Variants in HSPG2 observed in about 807,000 individuals in gnomAD.
The protein encoded by HSPG2 is heparan sulfate proteoglycan 2.
HSPG2 carries 278 observed loss-of-function variants against 526.6 expected under a neutral mutation model. That is an observed-to-expected ratio of 0.53 (90% CI 0.48 to 0.58). The LOEUF is 0.58. Among genes scored for constraint, HSPG2 ranks in the 20% least tolerant of loss-of-function variants. HSPG2 has a pLI of 0.00. For synonymous variants in HSPG2, 2,465 were observed against 2,555.4 expected (o/e 0.96, Z 1.07); for missense variants, 5,354 against 6,099.5 (o/e 0.88, Z 4.07).
chr1:21,825,492 T>C (rs2097969287), intron 91 of HSPG2, among the ~76,000 whole-genome samples: 1 of 152,124 alleles, frequency 6.6e-6, no homozygotes, highest in African/African-American at 2.4e-5. Flanking sequence ...CAGGCAGGCT[T>C]GGGCGAGTGA....
chr1:21,876,271 T>C lies in HSPG2; in HGVS notation c.2961A>G (p.Gly987=). 1 of 1,613,718 alleles carries C rather than the reference T, an allele frequency of 6.2e-7. No homozygotes were observed. The highest frequency in any genetic ancestry group is 8.5e-7 in the Non-Finnish European group (1 of 1,179,906). Residue 987 remains glycine, a synonymous_variant, in exon 23 of 97, where the codon GGA becomes GGG. Coordinates refer to ENST00000374695, the MANE Select transcript of HSPG2 (RefSeq NM_005529.7). The stretch of plus-strand genomic sequence containing the variant: ...GTGAAGGGAGGCTCCAGAAGTAGGG[T>C]CCAGATAAGAGTCTGTGGAAGGAGG... ...GFSSFHRLLS[G]PYFWSLPSRF... is the part of the protein sequence containing the mutation.
chr1:21,881,395 G>T lies in HSPG2; in HGVS notation c.1762C>A (p.Arg588Ser). 1 of 1,614,178 alleles carries T rather than the reference G, an allele frequency of 6.2e-7. No individual in the cohort carries two copies. The highest frequency in any genetic ancestry group is 8.5e-7 in the Non-Finnish European group (1 of 1,180,044). ...CAGAAGGAGTCGTGGACGAGGAAGC[G>T]GCGGGACAGGTCGACTAGCTGGAAC... ...HEFQLVDLSR[R>S]FLVHDSFWAL... Residue 588 changes from arginine to serine, a missense_variant, in exon 14 of 97, where the codon CGC becomes AGC. Physicochemically the swap from Arg to Ser is moderately radical, Grantham distance 110. Coordinates refer to ENST00000374695, the MANE Select transcript of HSPG2 (RefSeq NM_005529.7).
intron 85 of HSPG2, chr1:21,830,316 C>T (rs1453619948): frequency 3.5e-6 from 2 of 579,436 alleles, no homozygotes; most frequent in Non-Finnish European, 6.2e-6. Context: ...TGTGTGTCTG[C>T]AGGTTCTTCA....
chr1:21,908,254 C>G (rs1369108209), intron 1 of HSPG2: 11 of 1,017,520 alleles, frequency 1.1e-5, no homozygotes, highest in Non-Finnish European at 1.7e-5. Context: ...AAAAGGAACG[C>G]CCCACAAGTG....
Position 21,823,601 on chromosome 1 carries a change from G to C in HSPG2, c.13003+15C>G, listed in dbSNP as rs753155069. On this transcript the variant is annotated intron_variant, in intron 96 of 96. Coordinates refer to ENST00000374695, the MANE Select transcript of HSPG2 (RefSeq NM_005529.7). ...CCGTTCCTGCCCCTGCCCTGAGAAG[G>C]AGCCCCAGACTTACCGATGTAGACG... 2 of 1,612,546 alleles carry C rather than the reference G, an allele frequency of 1.2e-6. No individual in the cohort carries two copies. The highest frequency in any genetic ancestry group is 4.5e-5 in the East Asian group (2 of 44,872).
At position 21,822,495 on chromosome 1, in the gene HSPG2, C is replaced by T. The variant is rs760750964; in HGVS notation, c.*821G>A. The T allele has an allele frequency of 2.1e-4, 73 of 342,542 alleles. No individual in the cohort carries two copies. Among genetic ancestry groups the T allele is most frequent in the Middle Eastern group, 9.5e-4 (1 of 1,048 alleles). 21.2% of individuals were successfully genotyped at this position (342,542 alleles called of 1,614,324 possible). A position where few individuals can be genotyped will look rare whatever the true frequency, so the allele number is the denominator to read the frequency against. ...TTCCTGAGCACCAGCGGCATCCGTC[C>T]GTCCGTTGTCTGTTGGAGGAGTCCC... On this transcript the variant is annotated 3_prime_UTR_variant, in exon 97 of 97. Transcript: ENST00000374695.
chr1:21,846,625 G>T, intron 62 of HSPG2, 26 bp from the exon 63 acceptor site: 1 of 1,613,140 alleles, frequency 6.2e-7, no homozygotes, highest in South Asian at 1.1e-5. Context: ...TCAGTGAGTC[G>T]GCACAGCCGT....
intron 86 of HSPG2, 82 bp from the exon 87 acceptor site, chr1:21,829,686 C>T: frequency 8.2e-7 from 1 of 1,214,210 alleles, no homozygotes; most frequent in Non-Finnish European, 1.2e-6. Context: ...TCCTCTGGGA[C>T]CCTTGCCTGC....
intron 71 of HSPG2, 55 bp from the exon 72 acceptor site, chr1:21,840,072 C>T: frequency 1.3e-6 from 2 of 1,489,698 alleles, no homozygotes; most frequent in Admixed American, 1.7e-5. Context: ...ACGCTGATGT[C>T]AGCCCCAGCT....
chr1:21,876,217 C>T lies in HSPG2; in HGVS notation c.3003+12G>A. 6.3e-7 allele frequency: 1 copy of T among 1,597,546 alleles called. No homozygotes were observed. Among genetic ancestry groups the T allele is most frequent in the Non-Finnish European group, 8.5e-7 (1 of 1,171,790 alleles). On this transcript the variant is annotated intron_variant, in intron 23 of 96. Coordinates refer to ENST00000374695, the MANE Select transcript of HSPG2 (RefSeq NM_005529.7). ...GCCTGGAGTTTCCTTTGCCTTTCCA[C>T]CCACTACCCACCTTGTCCCCCAGGA...
rs2097990324 is a variant in HSPG2 at position 21,829,098 on chromosome 1, AG to A, written c.11993-20del. ...GCCAGCCCTGGGGAGGATGCCAGGC[AG>A]GGTTGGGCACATGGGGGCACACGGG... On this transcript the variant is annotated intron_variant, in intron 87 of 96. Transcript: ENST00000374695. 6.5e-7 allele frequency: 1 copy of A among 1,531,606 alleles called. No homozygotes were observed. Among genetic ancestry groups the A allele is most frequent in the African/African-American group, 1.4e-5 (1 of 72,952 alleles). 94.9% of individuals were successfully genotyped at this position (1,531,606 alleles called of 1,614,324 possible).
intron 6 of HSPG2, chr1:21,888,806 G>A: frequency 4.2e-6 from 4 of 947,836 alleles, no homozygotes; most frequent in Non-Finnish European, 5.8e-6. Flanking sequence ...ACCATCCCTA[G>A]CCAGGAGGAC....
chr1:21,859,601 TG>T lies in HSPG2; in HGVS notation c.5257del (p.Gln1753AsnfsTer21), dbSNP rs1557734189. On this transcript the variant is annotated frameshift_variant, in exon 42 of 97. Coordinates refer to ENST00000374695, the MANE Select transcript of HSPG2 (RefSeq NM_005529.7). LOFTEE classifies it high-confidence loss of function. The surrounding 1 kb of genome is among the most constrained non-coding windows in gnomAD (Gnocchi z 5.3). ...VYICTCRNLH[Q>X]SNTSRAELLV... ...CAGCTCTGCCCGGCTGGTATTGGAT[TG>T]GTGGAGATTACGGCAGGTGCAAATG... The T allele has an allele frequency of 6.2e-7, 1 of 1,609,400 alleles. No homozygotes were observed. The highest frequency in any genetic ancestry group is 1.1e-5 in the South Asian group (1 of 89,844).
Position 21,860,005 on chromosome 1 carries a change from G to A in HSPG2, c.5015-3C>T, listed in dbSNP as rs772540788. On this transcript the variant is annotated splice_polypyrimidine_tract_variant and splice_region_variant and intron_variant, in intron 40 of 96. Transcript: ENST00000374695. ...GACCACCAGTGGGGCTTGGTTTGCT[G>A]GGGGTGGGGGCCGGGACAGGAAGGG... 31 of 1,609,744 alleles carry A rather than the reference G, an allele frequency of 1.9e-5. No homozygotes were observed. The East Asian group carries it at 6.7e-4, about 35-fold the overall frequency.
chr1:21,855,103 C>T, intron 47 of HSPG2, 120 bp from the exon 48 acceptor site: 1 of 1,400,970 alleles, frequency 7.1e-7, no homozygotes, highest in East Asian at 2.4e-5. Flanking sequence ...CCCAGTGGGG[C>T]ATGAAGGAGG....
rs534729757 is a variant in HSPG2, at chr1:21,830,816, G to A, written c.11671+166C>T. The A allele has an allele frequency of 1.7e-5, 11 of 632,048 alleles. 1 individual carries two copies. Among genetic ancestry groups the A allele is most frequent in the South Asian group, 5.4e-5 (3 of 55,696 alleles). 39.2% of individuals were successfully genotyped at this position (632,048 alleles called of 1,614,324 possible). A position where few individuals can be genotyped will look rare whatever the true frequency, so the allele number is the denominator to read the frequency against. The stretch of plus-strand genomic sequence containing the variant: ...CAGCAGTGATGGGGTGAGGGCCTTC[G>A]GGTAGCAGAGATGGGGGATGGGTAC... On this transcript the variant is annotated intron_variant, in intron 85 of 96. Coordinates refer to ENST00000374695, the MANE Select transcript of HSPG2 (RefSeq NM_005529.7).
At chr1:21,860,768 A>C (rs529429773) in intron 39 of HSPG2, among the ~76,000 whole-genome samples, 2 of 152,328 alleles carry the variant, frequency 1.3e-5, no homozygotes, top group Non-Finnish European at 2.9e-5. Context: ...TATAGGCATG[A>C]GCCACCACGC....
At chr1:21,854,411 T>C in intron 49 of HSPG2, 68 bp from the exon 50 acceptor site, 1 of 1,531,834 alleles carries the variant, frequency 6.5e-7, no homozygotes, top group Non-Finnish European at 8.8e-7. Context: ...TCCCTCAGCC[T>C]CAGTGATTCA....
At chr1:21,878,411 G>T in intron 20 of HSPG2, 22 bp downstream of exon 20, 1 of 1,595,962 alleles carries the variant, frequency 6.3e-7, no homozygotes, top group Admixed American at 1.7e-5. Context: ...GGGTGTCAGG[G>T]GATGGTGGCA....
Sources: gnomAD v4.1 joint callset for allele counts (sites outside exome capture counted in the v4.1 genomes callset) on GRCh38, gnomAD v4.1.1 for gene constraint, Gnocchi (gnomAD v3.1) non-coding constraint, MANE v1.5 for transcripts, NCBI Gene and HGNC (gene_info 2026-07-23, HGNC 2026-07-21) for gene names.